The following MBP variants were observed in gnomAD, a reference collection of about 807,000 sequenced individuals.
MBP encodes Golli-MBP.
A neutral mutation model predicts 35.8 loss-of-function variants in MBP; 16 were observed. That is an observed-to-expected ratio of 0.45 (90% CI 0.30 to 0.68). The LOEUF is 0.68. Among genes scored for constraint, MBP ranks in the 30% least tolerant of loss-of-function variants. MBP has a pLI of 0.08. For missense variants in MBP, 380 were observed against 404.7 expected (o/e 0.94, Z 0.52); for synonymous variants, 143 against 159.6 (o/e 0.90, Z 0.78).
chr18:77,029,348 C>T (rs1052053095), intron 3 of MBP, among the ~76,000 whole-genome samples: 54 of 147,778 alleles, frequency 3.7e-4, no homozygotes, highest in Admixed American at 2.0e-3. Context: ...TGCAGTGAGC[C>T]GAGATGGCAG....
rs533663111 is a variant in MBP at position 77,022,286 on chromosome 18, C to T, written c.140-5018G>A. On this transcript the variant is annotated intron_variant, in intron 3 of 8. Coordinates refer to ENST00000355994, the MANE Select transcript of MBP (RefSeq NM_001025101.2). ...TCTCGTCCATGCACCCAAGGGATTG[C>T]GTACGGCTGCCAGTGTGACTGTGCT... is the stretch of plus-strand genomic sequence containing the variant. 3.9e-5 allele frequency among the ~76,000 whole-genome samples: 6 copies of T among 152,262 alleles called. No homozygotes were observed. The East Asian group carries it at 7.7e-4, about 20-fold the overall frequency.
chr18:76,998,549 G>A (rs1032785576), intron 4 of MBP, among the ~76,000 whole-genome samples: 1 of 152,188 alleles, frequency 6.6e-6, no homozygotes, highest in Non-Finnish European at 1.5e-5. Flanking sequence ...ACTCGCAGAA[G>A]AGATGCCCGA....
intron 3 of MBP, among the ~76,000 whole-genome samples, chr18:77,056,944 C>T (rs1435340765): frequency 6.6e-6 from 1 of 152,146 alleles, no homozygotes; most frequent in Admixed American, 6.5e-5. Context: ...CGTGCCCTGA[C>T]CACGCCCACA....
At chr18:76,991,179 G>A (rs756185429) in intron 4 of MBP, among the ~76,000 whole-genome samples, 6 of 151,078 alleles carry the variant, frequency 4.0e-5, no homozygotes, top group African/African-American at 1.2e-4. Flanking sequence ...CACTGACACC[G>A]GGCTGATTTG....
intron 8 of MBP, 147 bp downstream of exon 8, chr18:76,984,628 G>T: frequency 9.5e-7 from 1 of 1,057,544 alleles, no homozygotes; most frequent in Non-Finnish European, 1.4e-6. Context: ...AATGCCACCT[G>T]AGCCCCTGCA....
At chr18:77,048,966 C>T (rs928117494) in intron 3 of MBP, among the ~76,000 whole-genome samples, 5 of 149,618 alleles carry the variant, frequency 3.3e-5, no homozygotes, top group African/African-American at 1.2e-4. Context: ...GTCACCCAGG[C>T]TGGAGTGCAG....
At chr18:76,996,151 T>A (rs1192882749) in intron 4 of MBP, among the ~76,000 whole-genome samples, 1 of 152,184 alleles carries the variant, frequency 6.6e-6, no homozygotes, top group Non-Finnish European at 1.5e-5. Context: ...TACCGCACCG[T>A]TAGAATGGCT....
At chr18:76,985,785 AAC>A (rs1183875906) in intron 7 of MBP, 1 of 991,908 alleles carries the variant, frequency 1.0e-6, no homozygotes, top group Non-Finnish European at 1.2e-6. Flanking sequence ...GCTGTGCGAG[AAC>A]ACAAGCCGTT....
At chr18:77,032,138 G>A (rs1408135092) in intron 3 of MBP, among the ~76,000 whole-genome samples, 3 of 152,208 alleles carry the variant, frequency 2.0e-5, no homozygotes, top group Non-Finnish European at 4.4e-5. Context: ...CAAGGAGGCC[G>A]AGCCCTGCAG....
intron 3 of MBP, among the ~76,000 whole-genome samples, chr18:77,049,503 G>A (rs1208914825): frequency 6.6e-6 from 1 of 152,068 alleles, no homozygotes; most frequent in Admixed American, 6.6e-5. Flanking sequence ...TGCCTCATTG[G>A]TTTGGGAGGA....
At chr18:77,019,830 C>T (rs1407231214) in intron 3 of MBP, among the ~76,000 whole-genome samples, 8 of 152,052 alleles carry the variant, frequency 5.3e-5, no homozygotes, top group Admixed American at 2.0e-4. Context: ...TGGAAGCCTG[C>T]GCGGAATCGG....
chr18:77,128,091 C>G (rs1347825584), intron 1 of MBP: 4 of 152,216 alleles, frequency 2.6e-5, no homozygotes, highest in Non-Finnish European at 4.4e-5. Context: ...CAAGAATGTT[C>G]ACAGCAGCTC....
At chr18:77,037,154 C>T (rs898201806) in intron 3 of MBP, among the ~76,000 whole-genome samples, 10 of 146,900 alleles carry the variant, frequency 6.8e-5, no homozygotes, top group Non-Finnish European at 1.2e-4. Context: ...GTGCTGATCA[C>T]ATTTTGGAGA....
intron 2 of MBP, among the ~76,000 whole-genome samples, chr18:77,092,233 G>C (rs1367955506): frequency 6.6e-6 from 1 of 152,262 alleles, no homozygotes; most frequent in Non-Finnish European, 1.5e-5. Flanking sequence ...CCAGGGCCGC[G>C]GCCAGCGCTG....
At chr18:77,000,241 G>A (rs1183894728) in intron 4 of MBP, among the ~76,000 whole-genome samples, 1 of 152,188 alleles carries the variant, frequency 6.6e-6, no homozygotes, top group Non-Finnish European at 1.5e-5. Flanking sequence ...ACCACCGAAG[G>A]ATGACCCTGG....
At chr18:76,981,159 G>A (rs1439803247) in intron 8 of MBP, 2 of 152,260 alleles carry the variant, frequency 1.3e-5, no homozygotes, top group East Asian at 1.9e-4. Context: ...AGCCAGGCGT[G>A]GCCATCCCTC....
intron 2 of MBP, among the ~76,000 whole-genome samples, chr18:77,087,153 C>T (rs935974394): frequency 6.6e-6 from 1 of 152,220 alleles, no homozygotes; most frequent in Non-Finnish European, 1.5e-5. Context: ...CCACCGCAAA[C>T]GGAAAGAGGG....
At chr18:77,043,903 G>A (rs57321451) in intron 3 of MBP, among the ~76,000 whole-genome samples, 1,850 of 152,122 alleles carry the variant, frequency 0.012, 40 homozygotes, top group African/African-American at 0.042. Flanking sequence ...ACTCTGCTCA[G>A]CTTTCCAGGC....
chr18:77,102,189 GGGCAGTGGGGCAGA>G lies in MBP; in HGVS notation c.51+3008_51+3021del. 6.6e-6 allele frequency among the ~76,000 whole-genome samples: 1 copy of G among 152,264 alleles called. No homozygotes were observed. Among genetic ancestry groups the G allele is most frequent in the Non-Finnish European group, 1.5e-5 (1 of 67,992 alleles). On this transcript the variant is annotated intron_variant, in intron 2 of 8. Transcript: ENST00000355994. The surrounding 1 kb of genome is among the most constrained non-coding windows in gnomAD (Gnocchi z 4.4). ...GAGGGGGCCCTCAGCAGCCTGGGCC[GGGCAGTGGGGCAGA>G]GGCAGTGTGTGGGGTAGACCGGGCA...
Sources: gnomAD v4.1 joint callset for allele counts (sites outside exome capture counted in the v4.1 genomes callset) on GRCh38, gnomAD v4.1.1 for gene constraint, Gnocchi (gnomAD v3.1) non-coding constraint, MANE v1.5 for transcripts, NCBI Gene and HGNC (gene_info 2026-07-23, HGNC 2026-07-21) for gene names.